LRP1B: variants seen among roughly 807,000 people sequenced by gnomAD.
LRP1B encodes LDL receptor related protein 1B, also known as low-density lipoprotein receptor-related protein 1B.
LRP1B carries 217 observed loss-of-function variants against 556.6 expected under a neutral mutation model. The observed-to-expected ratio is 0.39, with a 90% CI of 0.35 to 0.44. LRP1B has a LOEUF of 0.44. Among genes scored for constraint, LRP1B ranks in the 20% least tolerant of loss-of-function variants. The pLI is 1.00. For synonymous variants in LRP1B, 2,047 were observed against 1,865.8 expected (o/e 1.10, Z -2.50); for missense variants, 5,053 against 5,620.8 (o/e 0.90, Z 3.23).
At position 140,688,313 on chromosome 2, in the gene LRP1B, T is replaced by C. The variant is rs1686120663; in HGVS notation, c.6799+11937A>G. ...GTCATTAAATCTATTGACCCCTTTATAGTTTTGTTATTTCTTTTCCCTATT... is the reference window on the plus strand; with the variant it reads ...GTCATTAAATCTATTGACCCCTTTACAGTTTTGTTATTTCTTTTCCCTATT... On this transcript the variant is annotated intron_variant, in intron 41 of 90. Coordinates refer to ENST00000389484, the MANE Select transcript of LRP1B (RefSeq NM_018557.3). 3.3e-5 allele frequency among the ~76,000 whole-genome samples: 5 copies of C among 152,202 alleles called. 1 individual carries two copies. The South Asian group carries it at 1.0e-3, about 31-fold the overall frequency.
chr2:140,470,031 A>T (rs1687699115), intron 60 of LRP1B, among the ~76,000 whole-genome samples: 1 of 152,220 alleles, frequency 6.6e-6, no homozygotes, highest in Admixed American at 6.5e-5. Flanking sequence ...TTAGTTCATA[A>T]GAGGATGACC....
At chr2:140,829,435 C>T (rs1400514897) in intron 31 of LRP1B, among the ~76,000 whole-genome samples, 2 of 152,138 alleles carry the variant, frequency 1.3e-5, no homozygotes, top group Admixed American at 1.3e-4. Flanking sequence ...TCAAGTTTCT[C>T]TCTGACCACA....
intron 3 of LRP1B, among the ~76,000 whole-genome samples, chr2:141,433,966 A>C (rs1680663760): frequency 6.7e-6 from 1 of 150,050 alleles, no homozygotes; most frequent in South Asian, 2.1e-4. Context: ...GTCAGCTGAT[A>C]GTTTTGTTGG....
intron 1 of LRP1B, among the ~76,000 whole-genome samples, chr2:141,865,070 A>C (rs1430825624): frequency 3.3e-5 from 5 of 152,132 alleles, no homozygotes; most frequent in African/African-American, 1.2e-4. Context: ...TTTACATATT[A>C]AATGCTACCC....
intron 3 of LRP1B, among the ~76,000 whole-genome samples, chr2:141,420,718 C>CTCAA (rs1680103926): frequency 1.3e-5 from 2 of 152,292 alleles, no homozygotes; most frequent in East Asian, 3.9e-4. Context: ...GGAGAATTCT[C>CTCAA]AAGTTGTGCT....
intron 21 of LRP1B, among the ~76,000 whole-genome samples, chr2:140,913,332 T>C (rs1161607812): frequency 6.6e-6 from 1 of 151,808 alleles, no homozygotes; most frequent in East Asian, 1.9e-4. Context: ...ATTGAACATA[T>C]AAAGTAGAAT....
chr2:141,828,143 AT>A (rs147809477), intron 1 of LRP1B, among the ~76,000 whole-genome samples: 2 of 151,628 alleles, frequency 1.3e-5, no homozygotes, highest in African/African-American at 2.4e-5. Flanking sequence ...CATTATATGC[AT>A]TTTTTTTGTT....
chr2:140,665,302 T>C (rs1219374041), intron 41 of LRP1B, among the ~76,000 whole-genome samples: 1 of 152,224 alleles, frequency 6.6e-6, no homozygotes, highest in East Asian at 1.9e-4. Context: ...AGTTCACTCA[T>C]ATTTAATCAT....
chr2:141,954,463 T>C (rs1289783180), intron 1 of LRP1B, among the ~76,000 whole-genome samples: 3 of 152,112 alleles, frequency 2.0e-5, no homozygotes. Flanking sequence ...AAACTGCCTC[T>C]GCCACTTACT....
At chr2:141,567,254 A>T (rs1686366077) in intron 2 of LRP1B, among the ~76,000 whole-genome samples, 1 of 151,312 alleles carries the variant, frequency 6.6e-6, no homozygotes, top group Non-Finnish European at 1.5e-5. Flanking sequence ...AATTGCGATC[A>T]TTTTTTTTTC....
At chr2:141,392,550 A>G (rs1573893681) in intron 3 of LRP1B, among the ~76,000 whole-genome samples, 1 of 151,998 alleles carries the variant, frequency 6.6e-6, no homozygotes, top group East Asian at 1.9e-4. Flanking sequence ...TGACCCAATA[A>G]GTCTGGTGAT....
intron 2 of LRP1B, among the ~76,000 whole-genome samples, chr2:141,783,663 A>G (rs933314781): frequency 6.6e-6 from 1 of 151,982 alleles, no homozygotes. Context: ...ATTAAGTAAT[A>G]TAAATTCTCC....
chr2:140,721,719 T>A (rs2105475715), intron 35 of LRP1B, among the ~76,000 whole-genome samples: 1 of 149,916 alleles, frequency 6.7e-6, no homozygotes, highest in South Asian at 2.1e-4. Context: ...GGCTATTTTT[T>A]TTTTTTTTTT....
intron 6 of LRP1B, among the ~76,000 whole-genome samples, chr2:141,220,622 GAAAAAAAA>G (rs553644230): frequency 1.7e-5 from 2 of 118,196 alleles, no homozygotes; most frequent in South Asian, 2.8e-4. Context: ...TCCAAGGTTG[GAAAAAAAA>G]AAAAAAAGAA....
chr2:141,164,583 G>A (rs376177732), intron 7 of LRP1B, among the ~76,000 whole-genome samples: 49 of 152,104 alleles, frequency 3.2e-4, no homozygotes, highest in Middle Eastern at 3.4e-3. Flanking sequence ...AACTAGCAGG[G>A]TATCAAATTA....
At chr2:142,016,510 G>GC (rs1703134821) in intron 1 of LRP1B, among the ~76,000 whole-genome samples, 1 of 152,138 alleles carries the variant, frequency 6.6e-6, no homozygotes, top group Non-Finnish European at 1.5e-5. Context: ...AAAAAAGGAT[G>GC]AGTTCATGAC....
intron 1 of LRP1B, among the ~76,000 whole-genome samples, chr2:142,017,268 A>G (rs954413569): frequency 1.3e-5 from 2 of 152,190 alleles, no homozygotes; most frequent in Non-Finnish European, 2.9e-5. Context: ...TCCTTCTGCA[A>G]GGTATTTTCC....
At chr2:140,376,575 A>T (rs527325618) in intron 68 of LRP1B, among the ~76,000 whole-genome samples, 15 of 148,102 alleles carry the variant, frequency 1.0e-4, no homozygotes, top group Admixed American at 4.0e-4. Context: ...CTTTGTGTTT[A>T]AAAAAAAAAA....
intron 3 of LRP1B, among the ~76,000 whole-genome samples, chr2:141,256,623 T>A (rs1684475983): frequency 6.6e-6 from 1 of 152,054 alleles, no homozygotes; most frequent in African/African-American, 2.4e-5. Flanking sequence ...AATCTTTGCC[T>A]AGAAAGATGG....
Sources: allele counts gnomAD v4.1 joint callset (sites outside exome capture counted in the v4.1 genomes callset), GRCh38; gene constraint gnomAD v4.1.1; transcripts MANE v1.5; gene names NCBI Gene and HGNC (gene_info 2026-07-23, HGNC 2026-07-21).